MCTP1: variants seen among roughly 807,000 people sequenced by gnomAD.
The protein encoded by MCTP1 is multiple C2 and transmembrane domain-containing protein 1.
A neutral mutation model predicts 120.6 loss-of-function variants in MCTP1; 69 were observed. The observed-to-expected ratio is 0.57, with a 90% CI of 0.47 to 0.70. The LOEUF (loss-of-function observed/expected upper bound fraction) is 0.70. Among genes scored for constraint, MCTP1 ranks in the 30% least tolerant of loss-of-function variants. The pLI is 0.00. For synonymous variants in MCTP1, 529 were observed against 493.1 expected, an observed-to-expected ratio of 1.07 and a Z score of -0.96; for missense variants, 1,203 against 1,248.8, an observed-to-expected ratio of 0.96 and a Z score of 0.55.
At chr5:94,947,555 A>AAGATATATATATATATAT (rs1554147590) in intron 3 of MCTP1, among the ~76,000 whole-genome samples, 1 of 39,508 alleles carries the variant, frequency 2.5e-5, no homozygotes, top group African/African-American at 1.1e-4. Flanking sequence ...TAGTTTACTA[A>AAGATATATATATATATAT]ATATATATAT....
intron 2 of MCTP1, among the ~76,000 whole-genome samples, chr5:94,986,317 A>C (rs1379807727): frequency 6.6e-6 from 1 of 152,102 alleles, no homozygotes; most frequent in African/African-American, 2.4e-5. Context: ...TCTTTGGCTA[A>C]TTATTTCTCT....
intron 1 of MCTP1, among the ~76,000 whole-genome samples, chr5:95,134,259 A>G (rs1759271704): frequency 6.6e-6 from 1 of 152,230 alleles, no homozygotes; most frequent in Non-Finnish European, 1.5e-5. Flanking sequence ...ATCTTGAGTT[A>G]TTAAACATGA....
intron 17 of MCTP1, among the ~76,000 whole-genome samples, chr5:94,822,042 C>T (rs1467192565): frequency 6.6e-6 from 1 of 151,884 alleles, no homozygotes; most frequent in Non-Finnish European, 1.5e-5. Flanking sequence ...ATTTTTTTTG[C>T]ATGGTTTTCA....
chr5:95,215,749 T>A (rs887579005), intron 1 of MCTP1, among the ~76,000 whole-genome samples: 1 of 152,082 alleles, frequency 6.6e-6, no homozygotes, highest in Non-Finnish European at 1.5e-5. Flanking sequence ...GTAAAAAAAA[T>A]TTGAAGAACT....
chr5:94,933,817 A>AT (rs1403812198), intron 5 of MCTP1, among the ~76,000 whole-genome samples: 8 of 151,894 alleles, frequency 5.3e-5, no homozygotes, highest in Non-Finnish European at 1.2e-4. Context: ...ACATACAATT[A>AT]ACCTTCTATA....
rs1384152435 is a variant in MCTP1, at chr5:94,745,161, AG to A, written c.2611-30276del. Among the ~76,000 whole-genome samples, 3 of 152,314 alleles carry A rather than the reference AG, an allele frequency of 2.0e-5. No individual in the cohort carries two copies. In the East Asian group the frequency reaches 5.8e-4, roughly 29 times the overall value. On this transcript the variant is annotated intron_variant, in intron 19 of 22. Transcript: ENST00000515393. The stretch of plus-strand genomic sequence containing the variant: ...TGCAGCAAGGTCTAAGGGGAAGTTT[AG>A]GGCTTCAGGTTTGAGGACTTGCTTA...
At chr5:94,775,078 A>G (rs1478916862) in intron 19 of MCTP1, among the ~76,000 whole-genome samples, 1 of 152,238 alleles carries the variant, frequency 6.6e-6, no homozygotes, top group Non-Finnish European at 1.5e-5. Context: ...ACTTTGAACT[A>G]ACTCTAGATA....
chr5:94,774,165 G>A (rs1162115809), intron 19 of MCTP1, among the ~76,000 whole-genome samples: 5 of 28,506 alleles, frequency 1.8e-4, no homozygotes, highest in Admixed American at 5.4e-4. Context: ...CCGAGATCCC[G>A]CCACTGCACT....
intron 17 of MCTP1, among the ~76,000 whole-genome samples, chr5:94,838,871 T>G (rs1427060770): frequency 2.0e-5 from 3 of 152,112 alleles, no homozygotes; most frequent in Non-Finnish European, 4.4e-5. Context: ...GATGATCGGG[T>G]AGCCAGGGGC....
At chr5:95,086,189 A>G (rs1755431940) in intron 1 of MCTP1, among the ~76,000 whole-genome samples, 1 of 152,186 alleles carries the variant, frequency 6.6e-6, no homozygotes, top group East Asian at 1.9e-4. Context: ...CTAAAGGGGA[A>G]CTGAGAAAAA....
chr5:95,141,643 A>G (rs1034805800), intron 1 of MCTP1, among the ~76,000 whole-genome samples: 1 of 151,934 alleles, frequency 6.6e-6, no homozygotes, highest in Admixed American at 6.6e-5. Flanking sequence ...GCTCATCTTC[A>G]TTGTCTTCTT....
rs1580254523 is a variant in MCTP1, at chr5:94,714,912, T to C, written c.2611-26A>G. Reference sequence around the variant, plus strand: ...CTAAAATGCAATAAAAAAGAAATTCTGTATGAGTAAAGGTATTCTTCATTG... The same window carrying C: ...CTAAAATGCAATAAAAAAGAAATTCCGTATGAGTAAAGGTATTCTTCATTG... On this transcript the variant is annotated intron_variant, in intron 19 of 22. Transcript: ENST00000515393. The C allele has an allele frequency of 2.3e-6, 3 of 1,321,934 alleles. No homozygotes were observed. The East Asian group carries it at 6.9e-5, about 30-fold the overall frequency. The allele number at this position is 1,321,934 out of a possible 1,614,324, so 81.9% of individuals were successfully genotyped here.
intron 19 of MCTP1, among the ~76,000 whole-genome samples, chr5:94,731,903 A>T (rs1763190941): frequency 1.3e-5 from 2 of 152,192 alleles, no homozygotes; most frequent in Non-Finnish European, 2.9e-5. Context: ...TAATTTAGAT[A>T]CTTTAGTAAA....
intron 2 of MCTP1, among the ~76,000 whole-genome samples, chr5:94,963,243 G>T (rs1824728830): frequency 6.6e-6 from 1 of 151,828 alleles, no homozygotes. Flanking sequence ...CTTGGCTATT[G>T]TGAATAATGC....
At chr5:94,830,299 A>C (rs1322126460) in intron 17 of MCTP1, among the ~76,000 whole-genome samples, 1 of 152,254 alleles carries the variant, frequency 6.6e-6, no homozygotes, top group Non-Finnish European at 1.5e-5. Flanking sequence ...GCTTCTATAC[A>C]TCACAGTAAG....
intron 19 of MCTP1, among the ~76,000 whole-genome samples, chr5:94,732,224 A>T (rs141350112): frequency 6.6e-6 from 1 of 152,354 alleles, no homozygotes; most frequent in East Asian, 1.9e-4. Context: ...ATCCATCTAA[A>T]GCAAGCTCGT....
At position 95,210,095 on chromosome 5, in the gene MCTP1, G is replaced by C. The variant is rs113778999; in HGVS notation, c.720+73761C>G. Among the ~76,000 whole-genome samples, 1,095 of 152,118 alleles carry C rather than the reference G, an allele frequency of 7.2e-3. 8 individuals are homozygous for C. Among genetic ancestry groups the C allele is most frequent in the African/African-American group, 0.026 (1,062 of 41,494 alleles). On this transcript the variant is annotated intron_variant, in intron 1 of 22. Coordinates refer to ENST00000515393, the MANE Select transcript of MCTP1 (RefSeq NM_024717.7). The stretch of plus-strand genomic sequence containing the variant: ...CTGAGGAGGAGAGCTTTACTTCCAA[G>C]TATGTGGTCAATTTTGGAATAGGTG...
intron 2 of MCTP1, among the ~76,000 whole-genome samples, chr5:95,001,077 ATGCATC>A (rs1402023958): frequency 6.6e-6 from 1 of 152,164 alleles, no homozygotes. Context: ...ATGGTTTTAT[ATGCATC>A]TGGCATTTCT....
At chr5:95,220,717 A>G (rs1427659856) in intron 1 of MCTP1, among the ~76,000 whole-genome samples, 1 of 152,236 alleles carries the variant, frequency 6.6e-6, no homozygotes, top group Non-Finnish European at 1.5e-5. Context: ...AGTCATGGCA[A>G]TATTTTTTTC....
Sources: gnomAD v4.1 joint callset for allele counts (sites outside exome capture counted in the v4.1 genomes callset) on GRCh38, gnomAD v4.1.1 for gene constraint, MANE v1.5 for transcripts, NCBI Gene and HGNC (gene_info 2026-07-23, HGNC 2026-07-21) for gene names.